Variants in TOP1 observed in about 807,000 individuals in gnomAD.
TOP1 encodes DNA topoisomerase 1.
In TOP1, 10 loss-of-function variants were observed where a neutral mutation model predicts 111.1. The observed-to-expected ratio is 0.09, with a 90% confidence interval of 0.06 to 0.15. The LOEUF (loss-of-function observed/expected upper bound fraction) is 0.15. Among genes scored for constraint, TOP1 ranks in the 10% least tolerant of loss-of-function variants. TOP1 has a pLI of 1.00. For missense variants in TOP1, 474 were observed against 926.7 expected (o/e 0.51, Z 6.34); for synonymous variants, 271 against 302.9 (o/e 0.89, Z 1.10).
rs1160181780 is a variant in TOP1, at chr20:41,085,078, A to G, written c.614+510A>G. Among the ~76,000 whole-genome samples, 41 of 99,288 alleles carry G rather than the reference A, an allele frequency of 4.1e-4. 1 individual carries two copies. Among genetic ancestry groups the G allele is most frequent in the African/African-American group, 2.2e-3 (38 of 17,034 alleles). The allele number at this position is 99,288 out of a possible 152,430, so 65.1% of individuals were successfully genotyped here. A position where few individuals can be genotyped will look rare whatever the true frequency, so the allele number is the denominator to read the frequency against. On this transcript the variant is annotated intron_variant, in intron 8 of 20. Transcript: ENST00000361337. ...TATGGCAGGTGGACACCTTCATGCC[A>G]TTTAAAAAAAAAAAAAAAACTCAAG...
Position 41,061,413 on chromosome 20 carries a change from T to G in TOP1, c.78T>G (p.Asp26Glu). ...TTGCAGATTCTCATAAACACAAAGA[T>G]AAACACAAAGATCGAGAACACCGGC... ...FRLNDSHKHK[D>E]KHKDREHRHK... is the part of the protein sequence containing the mutation. The change falls in exon 3 of 21, where the codon GAT (aspartate) becomes GAG (glutamate). Residue 26 changes from aspartate to glutamate, a missense_variant. Around this residue, in one of 14 missense-constraint regions of TOP1, gnomAD observed 185 missense variants for 226.3 expected, o/e 0.82. Transcript: ENST00000361337. The surrounding 1 kb of genome is among the most constrained non-coding windows in gnomAD (Gnocchi z 4.6). 1 of 1,613,670 alleles carries G rather than the reference T, an allele frequency of 6.2e-7. No homozygotes were observed. Among genetic ancestry groups the G allele is most frequent in the East Asian group, 2.2e-5 (1 of 44,872 alleles).
intron 8 of TOP1, among the ~76,000 whole-genome samples, chr20:41,089,020 C>T (rs112449953): frequency 2.6e-3 from 205 of 77,814 alleles, no homozygotes; most frequent in East Asian, 8.1e-3. Flanking sequence ...TGCCCCAGTT[C>T]TTTTTTTTTT....
chr20:41,084,368 G>T lies in TOP1; in HGVS notation c.508-94G>T, dbSNP rs915590485. On this transcript the variant is annotated intron_variant, in intron 7 of 20. Coordinates refer to ENST00000361337, the MANE Select transcript of TOP1 (RefSeq NM_003286.4). ...ATCTTCTTTAGTTCTAATACTCTAT[G>T]ATTACAATTTTTCTTCCTCATGGCT... The T allele has an allele frequency of 6.2e-6, 4 of 649,484 alleles. No individual in the cohort carries two copies. In the African/African-American group the frequency reaches 7.3e-5, roughly 12 times the overall value. The allele number at this position is 649,484 out of a possible 1,614,324, so 40.2% of individuals were successfully genotyped here. A position where few individuals can be genotyped will look rare whatever the true frequency, so the allele number is the denominator to read the frequency against.
rs1422458778 is a variant in TOP1 at position 41,102,063 on chromosome 20, A to G, written c.1308+710A>G. On this transcript the variant is annotated intron_variant, in intron 13 of 20. Transcript: ENST00000361337. The surrounding 1 kb of genome is among the most constrained non-coding windows in gnomAD (Gnocchi z 4.0). ...ATGAAATATAAACCTAACAGAGACA[A>G]AAACACAGTCAAGGAATTAGTTCTA... is the stretch of plus-strand genomic sequence containing the variant. Among the ~76,000 whole-genome samples, 1 of 152,206 alleles carries G rather than the reference A, an allele frequency of 6.6e-6. No homozygotes were observed. The highest frequency in any genetic ancestry group is 6.5e-5 in the Admixed American group (1 of 15,286).
At position 41,101,443 on chromosome 20, in the gene TOP1, T is replaced by G; in HGVS notation, c.1308+90T>G. On this transcript the variant is annotated intron_variant, in intron 13 of 20. Coordinates refer to ENST00000361337, the MANE Select transcript of TOP1 (RefSeq NM_003286.4). This position sits in a 1 kb window ranked among gnomAD's most constrained non-coding sequence, Gnocchi z 4.1. ...ACGTTCTCGTCCTCTAGAATCACTT[T>G]GACAAATTAAAAATCCTCCCCATTG... 1 of 1,358,042 alleles carries G rather than the reference T, an allele frequency of 7.4e-7. No individual in the cohort carries two copies. 84.1% of individuals were successfully genotyped at this position (1,358,042 alleles called of 1,614,324 possible).
chr20:41,090,315 T>G (rs2145944658), intron 8 of TOP1, among the ~76,000 whole-genome samples: 2 of 152,254 alleles, frequency 1.3e-5, no homozygotes, highest in African/African-American at 4.8e-5. Context: ...CCCCTCCACC[T>G]TAAGACTGAG....
intron 2 of TOP1, among the ~76,000 whole-genome samples, chr20:41,041,437 C>CAAAAA (rs780663951): frequency 2.0e-4 from 18 of 89,002 alleles, no homozygotes; most frequent in South Asian, 8.3e-4. Flanking sequence ...GACCCTGTCT[C>CAAAAA]AAAAAAAAAA....
chr20:41,057,053 C>T (rs574701812), intron 2 of TOP1, among the ~76,000 whole-genome samples: 1 of 152,084 alleles, frequency 6.6e-6, no homozygotes, highest in Non-Finnish European at 1.5e-5. Context: ...ATTGCCTGAG[C>T]TCAGGAGTTC....
chr20:41,037,031 C>T (rs980264132), intron 2 of TOP1, among the ~76,000 whole-genome samples: 21 of 151,958 alleles, frequency 1.4e-4, no homozygotes, highest in South Asian at 2.1e-4. Context: ...AGGGTTTCAC[C>T]GTGTTAGCCA....
rs542181482 is a variant in TOP1, at chr20:41,066,815, A to G, written c.155+5325A>G. ...GTGATCCACCTGCCTCGGCCTCCCA[A>G]AGTCTTGGGATTACAGGCGTGAGCC... On this transcript the variant is annotated intron_variant, in intron 3 of 20. Transcript: ENST00000361337. 5.2e-4 allele frequency among the ~76,000 whole-genome samples: 79 copies of G among 152,052 alleles called. 1 individual carries two copies. Among genetic ancestry groups the G allele is most frequent in the African/African-American group, 1.8e-3 (74 of 41,484 alleles).
chr20:41,059,972 C>T (rs753738758), intron 2 of TOP1, among the ~76,000 whole-genome samples: 71 of 152,124 alleles, frequency 4.7e-4, no homozygotes, highest in Non-Finnish European at 8.5e-4. Context: ...TGAATTGAAA[C>T]CACAGTGAGG....
intron 2 of TOP1, among the ~76,000 whole-genome samples, chr20:41,039,009 C>A (rs1410089696): frequency 6.6e-6 from 1 of 151,352 alleles, no homozygotes; most frequent in Non-Finnish European, 1.5e-5. Context: ...AAAAAAAAAT[C>A]ATCATCATCT....
chr20:41,085,474 G>A (rs115898507), intron 8 of TOP1, among the ~76,000 whole-genome samples: 1 of 152,150 alleles, frequency 6.6e-6, no homozygotes, highest in East Asian at 1.9e-4. Context: ...TACTTTTGCT[G>A]TTTAGAATCT....
intron 7 of TOP1, among the ~76,000 whole-genome samples, chr20:41,081,505 G>A (rs1050241498): frequency 2.0e-5 from 3 of 152,170 alleles, no homozygotes; most frequent in African/African-American, 7.2e-5. Flanking sequence ...GCTGCCAACA[G>A]ATGTTCTTCC....
intron 2 of TOP1, among the ~76,000 whole-genome samples, chr20:41,038,244 A>G (rs1232684502): frequency 6.6e-6 from 1 of 152,210 alleles, no homozygotes; most frequent in African/African-American, 2.4e-5. Flanking sequence ...CTTCTGCTCA[A>G]TGGCTAGGTC....
intron 8 of TOP1, among the ~76,000 whole-genome samples, chr20:41,085,083 A>C (rs886742146): frequency 3.5e-5 from 1 of 28,728 alleles, no homozygotes; most frequent in Non-Finnish European, 5.4e-5. Flanking sequence ...ATGCCATTTA[A>C]AAAAAAAAAA....
rs2034148674 is a variant in TOP1, at chr20:41,106,549, C to A, written c.1308+5196C>A. ...AACATGTTATACCTCTCCATTAATT[C>A]ATGTCTTTTGAATGTATCCACCAAT... On this transcript the variant is annotated intron_variant, in intron 13 of 20. Coordinates refer to ENST00000361337, the MANE Select transcript of TOP1 (RefSeq NM_003286.4). The surrounding 1 kb of genome is among the most constrained non-coding windows in gnomAD (Gnocchi z 4.3). 6.6e-6 allele frequency among the ~76,000 whole-genome samples: 1 copy of A among 152,156 alleles called. No homozygotes were observed. The highest frequency in any genetic ancestry group is 1.5e-5 in the Non-Finnish European group (1 of 68,014).
chr20:41,065,325 CTCTT>C (rs1369591975), intron 3 of TOP1, among the ~76,000 whole-genome samples: 6 of 152,302 alleles, frequency 3.9e-5, no homozygotes, highest in South Asian at 4.1e-4. Flanking sequence ...ATTCCCATCT[CTCTT>C]TCTTCTCACG....
chr20:41,031,454 G>A (rs967370259), intron 2 of TOP1, among the ~76,000 whole-genome samples: 5 of 152,208 alleles, frequency 3.3e-5, no homozygotes, highest in Non-Finnish European at 5.9e-5. Context: ...GAATGATTGT[G>A]AGCTGGCTAG....
Sources: gnomAD v4.1 joint callset for allele counts (sites outside exome capture counted in the v4.1 genomes callset) on GRCh38, gnomAD v4.1.1 for gene constraint, gnomAD v4.1.1 regional missense constraint, Gnocchi (gnomAD v3.1) non-coding constraint, MANE v1.5 for transcripts, NCBI Gene and HGNC (gene_info 2026-07-23, HGNC 2026-07-21) for gene names.